The following GRB10 variants were observed in gnomAD, a reference collection of about 807,000 sequenced individuals.
GRB10 encodes the protein growth factor receptor bound protein 10.
Under a neutral mutation model 80.9 loss-of-function variants are expected in GRB10, and 20 were observed. That is an observed-to-expected ratio of 0.25 (90% CI 0.17 to 0.36). GRB10 has a LOEUF of 0.36. Ranked by LOEUF, GRB10 falls within the 10% of genes least tolerant of loss-of-function variation. GRB10 has a pLI of 1.00. For missense variants in GRB10, 548 were observed against 747.7 expected (o/e 0.73, Z 3.12); for synonymous variants, 291 against 291.5 (o/e 1.00, Z 0.02).
chr7:50,669,844 G>T lies in GRB10; in HGVS notation c.382C>A (p.Gln128Lys). Residue 128 changes from glutamine to lysine, a missense_variant, in exon 7 of 19, where the codon CAG becomes AAG. Physicochemically the swap from Gln to Lys is moderately conservative, Grantham distance 53. Coordinates refer to ENST00000401949, the MANE Select transcript of GRB10 (RefSeq NM_001350814.2). The part of the protein sequence containing the change: ...LAVRRLQEED[Q>K]QFRTSSLPAI... ...GGCAGAGATGAGGTTCTAAACTGCTGGTCTTCCTCCTGAAGGCGCCTGGAA... is the reference window on the plus strand; with the variant it reads ...GGCAGAGATGAGGTTCTAAACTGCTTGTCTTCCTCCTGAAGGCGCCTGGAA... The T allele has an allele frequency of 6.2e-7, 1 of 1,612,946 alleles. No individual in the cohort carries two copies. The highest frequency in any genetic ancestry group is 8.5e-7 in the Non-Finnish European group (1 of 1,179,482).
chr7:50,731,862 CAT>C lies in GRB10; in HGVS notation c.51+408_51+409del, dbSNP rs558341929. 5.3e-5 allele frequency among the ~76,000 whole-genome samples: 8 copies of C among 152,304 alleles called. No individual in the cohort carries two copies. The East Asian group carries it at 7.7e-4, about 15-fold the overall frequency. On this transcript the variant is annotated intron_variant, in intron 4 of 18. Transcript: ENST00000401949. ...CTTCCCACTCCCTCACGCGTGAGCA[CAT>C]GTGTCCAGGTGAATGTCCCGACAAC...
chr7:50,620,991 A>G (rs2051611602), intron 8 of GRB10, among the ~76,000 whole-genome samples: 1 of 152,226 alleles, frequency 6.6e-6, no homozygotes, highest in Non-Finnish European at 1.5e-5. Context: ...ATCAGGCAAA[A>G]TAAGGAGAAA....
intron 7 of GRB10, among the ~76,000 whole-genome samples, chr7:50,663,955 T>C (rs2059542179): frequency 6.6e-6 from 1 of 152,168 alleles, no homozygotes; most frequent in South Asian, 2.1e-4. Context: ...GACACTGAAA[T>C]GTGCAAAATG....
intron 8 of GRB10, among the ~76,000 whole-genome samples, chr7:50,624,181 C>T (rs910634058): frequency 2.0e-5 from 3 of 152,302 alleles, no homozygotes; most frequent in South Asian, 2.1e-4. Flanking sequence ...ACCAGCCTGG[C>T]GTATGTACAC....
chr7:50,751,770 T>C (rs577075877), intron 3 of GRB10, among the ~76,000 whole-genome samples: 1 of 152,344 alleles, frequency 6.6e-6, no homozygotes, highest in African/African-American at 2.4e-5. Context: ...GGCAGGTGGA[T>C]AGCAAGGAAT....
Position 50,674,503 on chromosome 7 carries a change from T to C in GRB10, c.295A>G (p.Ile99Val), listed in dbSNP as rs2153640787. Residue 99 changes from isoleucine to valine, a missense_variant, in exon 6 of 19, where the codon ATC (isoleucine) becomes GTC (valine). Transcript: ENST00000401949. ...QPRASGPPRS[I>V]QPQVSPRQRV... ...TGCCTCGGGGACACCTGTGGCTGGA[T>C]GGACCGAGGAGGGCCTGAAGCCCGA... The C allele has an allele frequency of 3.7e-6, 6 of 1,609,610 alleles. No homozygotes were observed. The highest frequency in any genetic ancestry group is 5.1e-6 in the Non-Finnish European group (6 of 1,179,998).
intron 5 of GRB10, 22 bp downstream of exon 5, chr7:50,703,799 T>C (rs2064590167): frequency 6.3e-7 from 1 of 1,577,062 alleles, no homozygotes; most frequent in South Asian, 1.1e-5. Context: ...GGGAGTGTTC[T>C]TGTGTTTTGC....
chr7:50,596,844 A>C (rs1406052493), intron 17 of GRB10, among the ~76,000 whole-genome samples: 1 of 152,180 alleles, frequency 6.6e-6, no homozygotes, highest in Non-Finnish European at 1.5e-5. Flanking sequence ...TTTTTTTTTA[A>C]TCCTAAATTA....
intron 7 of GRB10, among the ~76,000 whole-genome samples, chr7:50,666,626 C>T (rs1421463390): frequency 6.6e-6 from 1 of 152,208 alleles, no homozygotes; most frequent in African/African-American, 2.4e-5. Context: ...GGGGGCTCAG[C>T]ATGCTGTGAG....
At chr7:50,695,957 T>C (rs192051671) in intron 5 of GRB10, among the ~76,000 whole-genome samples, 1 of 152,192 alleles carries the variant, frequency 6.6e-6, no homozygotes, top group Non-Finnish European at 1.5e-5. Context: ...TCTACAAAAT[T>C]GGGACCATAC....
intron 7 of GRB10, among the ~76,000 whole-genome samples, chr7:50,642,593 T>C (rs929385236): frequency 6.6e-6 from 1 of 152,186 alleles, no homozygotes; most frequent in Non-Finnish European, 1.5e-5. Context: ...AGTGCTGACA[T>C]GATACTCAAC....
intron 4 of GRB10, chr7:50,725,914 A>G (rs2068565244): frequency 6.6e-6 from 1 of 152,218 alleles, no homozygotes; most frequent in African/African-American, 2.4e-5. Context: ...AGGAAAAACC[A>G]GACAGTGGAA....
intron 4 of GRB10, among the ~76,000 whole-genome samples, chr7:50,725,806 T>C (rs529786827): frequency 3.9e-5 from 6 of 152,324 alleles, no homozygotes; most frequent in Admixed American, 1.3e-4. Context: ...CAATATTGTG[T>C]TCTGCTCCTC....
chr7:50,659,407 G>A (rs2058990049), intron 7 of GRB10, among the ~76,000 whole-genome samples: 1 of 152,192 alleles, frequency 6.6e-6, no homozygotes, highest in Non-Finnish European at 1.5e-5. Flanking sequence ...ACGGAGAGCT[G>A]AGGGAGCCTA....
At chr7:50,718,490 C>A (rs954134550) in intron 4 of GRB10, among the ~76,000 whole-genome samples, 3 of 152,122 alleles carry the variant, frequency 2.0e-5, no homozygotes, top group African/African-American at 7.2e-5. Flanking sequence ...GCTCAGGCTG[C>A]TCACTGCTGC....
At chr7:50,619,631 C>A (rs2529396) in intron 8 of GRB10, among the ~76,000 whole-genome samples, 102,701 of 152,076 alleles carry the variant, frequency 0.68, 36,333 homozygotes, top group African/African-American at 0.91. Context: ...ACAAGTGAGA[C>A]AATATTCAAA....
chr7:50,626,250 G>A (rs2715138), intron 8 of GRB10, among the ~76,000 whole-genome samples: 17,498 of 152,144 alleles, frequency 0.12, 2,212 homozygotes, highest in African/African-American at 0.32. Context: ...ACATATACAC[G>A]TGCATGAACA....
intron 2 of GRB10, among the ~76,000 whole-genome samples, chr7:50,768,678 C>T (rs563156540): frequency 1.3e-5 from 2 of 152,148 alleles, no homozygotes; most frequent in Admixed American, 6.5e-5. Flanking sequence ...TGGTCAAGAT[C>T]GTAGAATGAT....
intron 8 of GRB10, among the ~76,000 whole-genome samples, chr7:50,624,021 T>C (rs1228987927): frequency 6.6e-6 from 1 of 152,246 alleles, no homozygotes; most frequent in Non-Finnish European, 1.5e-5. Flanking sequence ...CTTTGTACTT[T>C]GGAATCTTCA....
Sources: gnomAD v4.1 joint callset for allele counts (sites outside exome capture counted in the v4.1 genomes callset) on GRCh38, gnomAD v4.1.1 for gene constraint, MANE v1.5 for transcripts, NCBI Gene and HGNC (gene_info 2026-07-23, HGNC 2026-07-21) for gene names.